The following PDZRN3 variants were observed in gnomAD, a reference collection of about 807,000 sequenced individuals.
PDZRN3 encodes E3 ubiquitin-protein ligase PDZRN3.
PDZRN3 carries 38 observed loss-of-function variants against 85.7 expected under a neutral mutation model. That is an observed-to-expected ratio of 0.44 (90% CI 0.34 to 0.58). The LOEUF (loss-of-function observed/expected upper bound fraction) is 0.58. Ranked by LOEUF, PDZRN3 falls within the 20% of genes least tolerant of loss-of-function variation. PDZRN3 has a pLI of 0.01. For missense variants in PDZRN3, 1,629 were observed against 1,506.4 expected (o/e 1.08, Z -1.35); for synonymous variants, 759 against 638.0 (o/e 1.19, Z -2.86).
chr3:73,567,074 A>C (rs1559741649), intron 3 of PDZRN3, among the ~76,000 whole-genome samples: 2 of 152,232 alleles, frequency 1.3e-5, no homozygotes, highest in African/African-American at 4.8e-5. Flanking sequence ...CAGTGGAAAA[A>C]TATAAGAGAA....
At chr3:73,608,069 G>A (rs1025541788) in intron 2 of PDZRN3, among the ~76,000 whole-genome samples, 9 of 152,024 alleles carry the variant, frequency 5.9e-5, no homozygotes, top group Non-Finnish European at 1.3e-4. Flanking sequence ...ATTTGAATTC[G>A]GCCTCTTCTT....
chr3:73,392,617 A>G (rs1432523383), intron 5 of PDZRN3, among the ~76,000 whole-genome samples: 1 of 152,220 alleles, frequency 6.6e-6, no homozygotes, highest in Non-Finnish European at 1.5e-5. Context: ...GGTCACCAGT[A>G]GTATAATAAT....
At chr3:73,506,095 T>C (rs762343426) in intron 3 of PDZRN3, among the ~76,000 whole-genome samples, 10 of 152,168 alleles carry the variant, frequency 6.6e-5, no homozygotes, top group Non-Finnish European at 1.2e-4. Context: ...GTGAAACTCA[T>C]TATCTCTGCA....
At chr3:73,514,460 A>T (rs1367581982) in intron 3 of PDZRN3, among the ~76,000 whole-genome samples, 2 of 152,206 alleles carry the variant, frequency 1.3e-5, no homozygotes, top group Admixed American at 6.5e-5. Flanking sequence ...GGAGAGTGAT[A>T]CTTAGGGTTT....
chr3:73,622,979 G>A (rs1389229167), intron 1 of PDZRN3, among the ~76,000 whole-genome samples: 4 of 152,130 alleles, frequency 2.6e-5, no homozygotes. Flanking sequence ...TGTGACCCAG[G>A]CATGAAACTG....
At chr3:73,411,231 T>TG (rs1437922317) in intron 3 of PDZRN3, among the ~76,000 whole-genome samples, 1 of 152,224 alleles carries the variant, frequency 6.6e-6, no homozygotes, top group African/African-American at 2.4e-5. Flanking sequence ...CAAGTGGCTC[T>TG]GGCCAAGCTC....
At chr3:73,464,485 C>T (rs1189041332) in intron 3 of PDZRN3, among the ~76,000 whole-genome samples, 1 of 152,182 alleles carries the variant, frequency 6.6e-6, no homozygotes, top group African/African-American at 2.4e-5. Flanking sequence ...TGAACTCTCA[C>T]ATAAGCTCTA....
At position 73,452,839 on chromosome 3, in the gene PDZRN3, C is replaced by CTCTGTGTG. The variant is rs1553690746; in HGVS notation, c.919-48445_919-48444insCACACAGA. Among the ~76,000 whole-genome samples, 1,385 of 140,716 alleles carry CTCTGTGTG rather than the reference C, an allele frequency of 9.8e-3. 22 individuals are homozygous for CTCTGTGTG. Among genetic ancestry groups the CTCTGTGTG allele is most frequent in the African/African-American group, 0.032 (1,183 of 37,366 alleles). The allele number at this position is 140,716 out of a possible 152,430, so 92.3% of individuals were successfully genotyped here. A position where few individuals can be genotyped will look rare whatever the true frequency, so the allele number is the denominator to read the frequency against. On this transcript the variant is annotated intron_variant, in intron 3 of 9. Transcript: ENST00000263666. ...GCCAATTCTCTAACGGTCCATATAT[C>CTCTGTGTG]TGTGTGTGTGTGTGTGTGTGTGTGT...
intron 3 of PDZRN3, among the ~76,000 whole-genome samples, chr3:73,595,118 T>C (rs968239804): frequency 6.6e-6 from 1 of 152,168 alleles, no homozygotes; most frequent in Non-Finnish European, 1.5e-5. Context: ...TATACTGAAA[T>C]TGATATATAA....
intron 3 of PDZRN3, among the ~76,000 whole-genome samples, chr3:73,471,017 A>G (rs1388598771): frequency 6.6e-6 from 1 of 152,164 alleles, no homozygotes; most frequent in East Asian, 1.9e-4. Context: ...GACTCAAAAG[A>G]TATGCTAGAG....
At chr3:73,481,590 A>G (rs545552672) in intron 3 of PDZRN3, among the ~76,000 whole-genome samples, 2 of 152,072 alleles carry the variant, frequency 1.3e-5, no homozygotes, top group African/African-American at 4.8e-5. Context: ...TCAGCCTCCC[A>G]AAGTGCTGGG....
intron 3 of PDZRN3, among the ~76,000 whole-genome samples, chr3:73,590,268 C>CAA (rs10685167): frequency 0.61 from 59,237 of 96,978 alleles, 16,447 homozygotes; most frequent in East Asian, 0.7. Flanking sequence ...GACTCTGTCT[C>CAA]AAAAAAAAAA....
chr3:73,588,952 G>C (rs1702315916), intron 3 of PDZRN3, among the ~76,000 whole-genome samples: 2 of 152,240 alleles, frequency 1.3e-5, no homozygotes, highest in Middle Eastern at 6.8e-3. Flanking sequence ...CCGATGAAGG[G>C]GGACTCTTTC....
intron 3 of PDZRN3, among the ~76,000 whole-genome samples, chr3:73,535,021 G>A (rs1704743986): frequency 6.6e-6 from 1 of 151,854 alleles, no homozygotes; most frequent in Admixed American, 6.6e-5. Context: ...TTAATGCAAT[G>A]TGCCTTGTGA....
At position 73,413,412 on chromosome 3, in the gene PDZRN3, A is replaced by G. The variant is rs568487171; in HGVS notation, c.919-9017T>C. On this transcript the variant is annotated intron_variant, in intron 3 of 9. Transcript: ENST00000263666. ...AAGGATATGACACTGAACGCCACAC[A>G]TGGGTTTTTGTTCTGTGTCGGGCAG... Among the ~76,000 whole-genome samples the G allele has an allele frequency of 3.2e-3, 493 of 152,240 alleles. 2 individuals carry two copies. Among genetic ancestry groups the G allele is most frequent in the African/African-American group, 0.011 (471 of 41,522 alleles).
intron 5 of PDZRN3, among the ~76,000 whole-genome samples, chr3:73,392,236 A>T (rs138429564): frequency 1.4e-4 from 21 of 152,356 alleles, no homozygotes; most frequent in Non-Finnish European, 2.4e-4. Flanking sequence ...AGGAAGAGAG[A>T]AGTGGGCTGA....
At chr3:73,464,727 T>G (rs1052879048) in intron 3 of PDZRN3, among the ~76,000 whole-genome samples, 6 of 152,222 alleles carry the variant, frequency 3.9e-5, no homozygotes, top group Admixed American at 1.3e-4. Context: ...ACCTAGATTC[T>G]GCTCTAAATT....
At chr3:73,606,133 T>G (rs1043410826) in intron 2 of PDZRN3, among the ~76,000 whole-genome samples, 9 of 152,210 alleles carry the variant, frequency 5.9e-5, no homozygotes, top group African/African-American at 1.9e-4. Flanking sequence ...GGCTTTGGTG[T>G]GGTTTAGACC....
At chr3:73,507,731 T>A (rs1275610203) in intron 3 of PDZRN3, among the ~76,000 whole-genome samples, 2 of 152,170 alleles carry the variant, frequency 1.3e-5, no homozygotes, top group Non-Finnish European at 2.9e-5. Context: ...TTAGTGGAGA[T>A]CTAAAACTGC....
Sources: gnomAD v4.1 joint callset for allele counts (sites outside exome capture counted in the v4.1 genomes callset) on GRCh38, gnomAD v4.1.1 for gene constraint, MANE v1.5 for transcripts, NCBI Gene and HGNC (gene_info 2026-07-23, HGNC 2026-07-21) for gene names.